The following UBR1 variants were observed in gnomAD, a reference collection of about 807,000 sequenced individuals.
UBR1 encodes E3 ubiquitin-protein ligase UBR1.
A neutral mutation model predicts 242.1 loss-of-function variants in UBR1; 102 were observed. The observed-to-expected ratio is 0.42, with a 90% confidence interval of 0.36 to 0.50. UBR1 has a LOEUF of 0.50. Ranked by LOEUF, UBR1 falls within the 20% of genes least tolerant of loss-of-function variation. The pLI, the probability that UBR1 is intolerant of heterozygous loss-of-function variation, is 0.01. For missense variants in UBR1, 1,772 were observed against 2,101.8 expected (o/e 0.84, Z 3.07); for synonymous variants, 675 against 684.8 (o/e 0.99, Z 0.22).
At position 42,977,938 on chromosome 15, in the gene UBR1, G is replaced by C. The variant is rs2032315714; in HGVS notation, c.4160C>G (p.Pro1387Arg). ...TGGTGTATCTTCTGATTTTATGTTA[G>C]GAAGAACAACTAAAACAAACAAAAA... ...HLVRLLSVVL[P>R]NIKSEDTPCL... The change falls in exon 38 of 47, where the codon CCT (proline) becomes CGT (arginine). Residue 1387 changes from proline (P) to arginine (R), a missense_variant. This residue lies in a region of UBR1 where 965 missense variants were observed against 1,079.7 expected (regional missense o/e 0.89). Transcript: ENST00000290650. 2 of 1,612,232 alleles carry C rather than the reference G, an allele frequency of 1.2e-6. No homozygotes were observed. Among genetic ancestry groups the C allele is most frequent in the Admixed American group, 1.7e-5 (1 of 59,970 alleles).
intron 34 of UBR1, 110 bp downstream of exon 34, chr15:42,989,920 G>T: frequency 2.5e-6 from 2 of 814,836 alleles, no homozygotes; most frequent in South Asian, 1.6e-5. Context: ...AAGATAATGG[G>T]ATAAACTATT....
intron 3 of UBR1, among the ~76,000 whole-genome samples, chr15:43,078,048 T>C (rs2033929105): frequency 1.3e-5 from 2 of 152,126 alleles, no homozygotes; most frequent in Non-Finnish European, 2.9e-5. Flanking sequence ...TGGGTGCAGA[T>C]AGCAAGAGAA....
intron 15 of UBR1, among the ~76,000 whole-genome samples, chr15:43,040,312 T>C (rs544443157): frequency 2.0e-5 from 3 of 152,316 alleles, no homozygotes; most frequent in African/African-American, 7.2e-5. Flanking sequence ...TACAACCATC[T>C]GATCTTTGAC....
At chr15:43,032,731 T>C in intron 19 of UBR1, 100 bp from the exon 20 acceptor site, 1 of 733,176 alleles carries the variant, frequency 1.4e-6, no homozygotes. Context: ...AGCCTAGTAT[T>C]TTTCATCCAG....
At chr15:43,026,262 C>A in intron 23 of UBR1, 1 of 277,622 alleles carries the variant, frequency 3.6e-6, no homozygotes, top group Non-Finnish European at 6.8e-6. Flanking sequence ...AAAAACAAAA[C>A]AAAACAAAAA....
chr15:42,975,693 T>C (rs752295516), intron 39 of UBR1, among the ~76,000 whole-genome samples: 4 of 152,052 alleles, frequency 2.6e-5, no homozygotes, highest in African/African-American at 4.8e-5. Context: ...TTTGGGTTTT[T>C]TTTTTCTTCT....
rs752843113 is a variant in UBR1, at chr15:43,105,942, A to C, written c.81T>G (p.Ser27=). 6.2e-7 allele frequency: 1 copy of C among 1,613,836 alleles called. No homozygotes were observed. The highest frequency in any genetic ancestry group is 8.5e-7 in the Non-Finnish European group (1 of 1,179,954). Residue 27 remains serine (S), a splice_region_variant and synonymous_variant, in exon 1 of 47, where the codon TCT becomes TCG. Coordinates refer to ENST00000290650, the MANE Select transcript of UBR1 (RefSeq NM_174916.3). Reference sequence around the variant, plus strand: ...AAGAGACTTGCCTATAGGGACTTACAGATGCCAGACGCTGAGGGGTCTGGG... The same window carrying C: ...AAGAGACTTGCCTATAGGGACTTACCGATGCCAGACGCTGAGGGGTCTGGG... ...ELPQTPQRLA[S]WWDQQVDFYT...
In UBR1 at chr15:43,036,521, T is replaced by A. The variant is rs958585962; in HGVS notation, c.2088+7A>T. 8.2e-6 allele frequency: 13 copies of A among 1,581,808 alleles called. No individual in the cohort carries two copies. The highest frequency in any genetic ancestry group is 1.1e-5 in the Non-Finnish European group (13 of 1,151,446). On this transcript the variant is annotated splice_region_variant and intron_variant, in intron 18 of 46. Coordinates refer to ENST00000290650, the MANE Select transcript of UBR1 (RefSeq NM_174916.3). ...ACACAAATATCAGAAACAATTTAAA[T>A]AGGTACCTGAAGCATGATGATATCT...
At chr15:43,084,698 C>T (rs1291953758) in intron 2 of UBR1, among the ~76,000 whole-genome samples, 5 of 152,308 alleles carry the variant, frequency 3.3e-5, no homozygotes, top group Admixed American at 3.3e-4. Flanking sequence ...CGTGATCCAC[C>T]TGCCTCGGCC....
intron 3 of UBR1, among the ~76,000 whole-genome samples, chr15:43,078,742 G>C (rs950882520): frequency 2.6e-5 from 4 of 152,086 alleles, no homozygotes; most frequent in African/African-American, 7.2e-5. Context: ...TTTGAAGTGG[G>C]AGGATCACTA....
chr15:43,030,832 C>G (rs1306507607), intron 20 of UBR1, among the ~76,000 whole-genome samples: 1 of 152,222 alleles, frequency 6.6e-6, no homozygotes, highest in East Asian at 1.9e-4. Flanking sequence ...AAAGAAACCC[C>G]TTGCCTAAGA....
chr15:42,969,330 G>T (rs564957298), intron 40 of UBR1, among the ~76,000 whole-genome samples: 98 of 152,272 alleles, frequency 6.4e-4, no homozygotes, highest in African/African-American at 2.3e-3. Context: ...AAAAGTGTCT[G>T]TTCATATCCT....
intron 6 of UBR1, among the ~76,000 whole-genome samples, chr15:43,063,579 G>C (rs1761351917): frequency 6.6e-6 from 1 of 152,124 alleles, no homozygotes; most frequent in Non-Finnish European, 1.5e-5. Context: ...CAAGGTGGGT[G>C]AATCACCTGA....
chr15:42,943,194 A>G lies in UBR1; in HGVS notation c.*2135T>C, dbSNP rs1342205283. The stretch of plus-strand genomic sequence containing the variant: ...TTATACAGATATATTTTTCTTCACC[A>G]TATCATTAAAATTCTCACTAGCCCC... On this transcript the variant is annotated 3_prime_UTR_variant, in exon 47 of 47. Transcript: ENST00000290650. 1.3e-5 allele frequency: 2 copies of G among 152,630 alleles called. No homozygotes were observed. Among genetic ancestry groups the G allele is most frequent in the African/African-American group, 4.8e-5 (2 of 41,456 alleles). The allele number at this position is 152,630 out of a possible 1,614,324, so 9.5% of individuals were successfully genotyped here.
In UBR1 at chr15:43,063,689, A is replaced by AAACTTTAAAAAGAG. The variant is rs1814443142; in HGVS notation, c.799-3576_799-3575insCTCTTTTTAAAGTT. Among the ~76,000 whole-genome samples the AAACTTTAAAAAGAG allele has an allele frequency of 2.4e-4, 36 of 149,784 alleles. No individual in the cohort carries two copies. The Admixed American group carries it at 2.4e-3, about 10-fold the overall frequency. ...TATGAACTTTAAAAAGAGCACTATT[A>AAACTTTAAAAAGAG]CATCTTTAAATTTTTTCAGAATGCC... On this transcript the variant is annotated intron_variant, in intron 6 of 46. Transcript: ENST00000290650.
In UBR1 at chr15:42,945,139, T is replaced by C. The variant is rs2031710544; in HGVS notation, c.*190A>G. 2 of 699,328 alleles carry C rather than the reference T, an allele frequency of 2.9e-6. No individual in the cohort carries two copies. Among genetic ancestry groups the C allele is most frequent in the East Asian group, 2.8e-5 (1 of 35,622 alleles). 43.3% of individuals were successfully genotyped at this position (699,328 alleles called of 1,614,324 possible). On this transcript the variant is annotated 3_prime_UTR_variant, in exon 47 of 47. Coordinates refer to ENST00000290650, the MANE Select transcript of UBR1 (RefSeq NM_174916.3). Reference sequence around the variant, plus strand: ...AAAACAGATTGATCTATGTCCTTTTTTCCTGTGAAGCATATGTTTGCTAAT... The same window carrying C: ...AAAACAGATTGATCTATGTCCTTTTCTCCTGTGAAGCATATGTTTGCTAAT...
chr15:43,029,808 A>G, intron 21 of UBR1, 136 bp downstream of exon 21: 1 of 925,494 alleles, frequency 1.1e-6, no homozygotes, highest in Non-Finnish European at 1.7e-6. Flanking sequence ...CTAAAGGATG[A>G]AGGTGATTGG....
chr15:43,075,795 A>G (rs2033881318), intron 3 of UBR1, among the ~76,000 whole-genome samples: 1 of 151,572 alleles, frequency 6.6e-6, no homozygotes, highest in South Asian at 2.1e-4. Flanking sequence ...TTGTATTTTT[A>G]GTAGAGACGG....
At chr15:43,084,832 C>G (rs1345830679) in intron 2 of UBR1, among the ~76,000 whole-genome samples, 1 of 152,130 alleles carries the variant, frequency 6.6e-6, no homozygotes, top group African/African-American at 2.4e-5. Flanking sequence ...TGTACATAAA[C>G]CAGTTAGGCC....
Sources: allele counts gnomAD v4.1 joint callset (sites outside exome capture counted in the v4.1 genomes callset), GRCh38; gene constraint gnomAD v4.1.1; regional missense constraint gnomAD v4.1.1; transcripts MANE v1.5; gene names NCBI Gene and HGNC (gene_info 2026-07-23, HGNC 2026-07-21).